The following TCAIM variants were observed in gnomAD, a reference collection of about 807,000 sequenced individuals.
TCAIM encodes T cell activation inhibitor, mitochondrial, also known as T-cell activation inhibitor, mitochondrial.
Under a neutral mutation model 58.6 loss-of-function variants are expected in TCAIM, and 36 were observed. The observed-to-expected ratio is 0.61, with a 90% CI of 0.47 to 0.81. TCAIM has a LOEUF of 0.81. Among genes scored for constraint, TCAIM ranks in the 30% least tolerant of loss-of-function variants. TCAIM has a pLI of 0.00. For synonymous variants in TCAIM, 172 were observed against 193.6 expected (o/e 0.89, Z 0.93); for missense variants, 466 against 579.6 (o/e 0.80, Z 2.01).
At chr3:44,395,582 C>CT (rs1701920741) in intron 6 of TCAIM, among the ~76,000 whole-genome samples, 1 of 152,328 alleles carries the variant, frequency 6.6e-6, no homozygotes, top group South Asian at 2.1e-4. Context: ...AGCAGGGCCT[C>CT]TGACATCGTG....
intron 5 of TCAIM, among the ~76,000 whole-genome samples, chr3:44,384,930 G>T (rs953592317): frequency 6.6e-6 from 1 of 152,178 alleles, no homozygotes; most frequent in South Asian, 2.1e-4. Context: ...TGATAAATGA[G>T]AAAATACTAA....
At chr3:44,378,200 G>T (rs1332969870) in intron 5 of TCAIM, among the ~76,000 whole-genome samples, 3 of 151,926 alleles carry the variant, frequency 2.0e-5, no homozygotes, top group Non-Finnish European at 4.4e-5. Flanking sequence ...GGCCAACATG[G>T]TGAAACCCCG....
intron 1 of TCAIM, among the ~76,000 whole-genome samples, chr3:44,343,320 A>G (rs1700894487): frequency 1.3e-5 from 2 of 152,176 alleles, no homozygotes; most frequent in Admixed American, 1.3e-4. Context: ...CCTAACCATT[A>G]TGCAAACTAC....
intron 5 of TCAIM, among the ~76,000 whole-genome samples, chr3:44,381,894 G>C (rs1030264657): frequency 3.9e-5 from 6 of 152,080 alleles, no homozygotes; most frequent in Admixed American, 1.3e-4. Context: ...CATCAGAAAA[G>C]ATAAAATGCT....
intron 10 of TCAIM, among the ~76,000 whole-genome samples, chr3:44,403,643 G>A (rs1292601332): frequency 6.6e-6 from 1 of 152,064 alleles, no homozygotes; most frequent in African/African-American, 2.4e-5. Flanking sequence ...ATTAGATTGT[G>A]AGAAAGGAAA....
chr3:44,370,227 C>T (rs554013769), intron 5 of TCAIM, among the ~76,000 whole-genome samples: 1 of 152,002 alleles, frequency 6.6e-6, no homozygotes, highest in South Asian at 2.1e-4. Flanking sequence ...CTTGGGAGGC[C>T]GAGGCAGGCG....
At chr3:44,383,176 T>C (rs1387228277) in intron 5 of TCAIM, among the ~76,000 whole-genome samples, 1 of 152,198 alleles carries the variant, frequency 6.6e-6, no homozygotes, top group East Asian at 1.9e-4. Flanking sequence ...GAAGATGATA[T>C]GGTGATTCCT....
intron 10 of TCAIM, 96 bp from the exon 11 acceptor site, chr3:44,407,346 C>T (rs1195371931): frequency 9.5e-7 from 1 of 1,057,906 alleles, no homozygotes; most frequent in African/African-American, 1.6e-5. Flanking sequence ...ACAGTTAGGG[C>T]CCCAACATGT....
chr3:44,400,328 A>C, intron 8 of TCAIM, 27 bp from the exon 9 acceptor site: 1 of 1,536,752 alleles, frequency 6.5e-7, no homozygotes, highest in South Asian at 1.2e-5. Context: ...AAAACTAATT[A>C]TTTCTTTCCC....
At position 44,407,856 on chromosome 3, in the gene TCAIM, C is replaced by A; in HGVS notation, c.*174C>A. The stretch of plus-strand genomic sequence containing the variant: ...TTTCTGCTAGGAGAGGTTTTATATG[C>A]CAGGCGTGGTGGCTCATGCCTGCGG... On this transcript the variant is annotated 3_prime_UTR_variant, in exon 11 of 11. Transcript: ENST00000342649. 1.5e-6 allele frequency: 1 copy of A among 680,162 alleles called. No homozygotes were observed. Among genetic ancestry groups the A allele is most frequent in the Non-Finnish European group, 2.2e-6 (1 of 451,822 alleles). The allele number at this position is 680,162 out of a possible 1,614,324, so 42.1% of individuals were successfully genotyped here.
At chr3:44,387,173 C>T (rs1701756840) in intron 5 of TCAIM, among the ~76,000 whole-genome samples, 1 of 152,196 alleles carries the variant, frequency 6.6e-6, no homozygotes, top group African/African-American at 2.4e-5. Context: ...AAGGAGCTAT[C>T]CACTGTGTGT....
chr3:44,345,618 T>C (rs1235267366), intron 1 of TCAIM, among the ~76,000 whole-genome samples: 5 of 152,128 alleles, frequency 3.3e-5, no homozygotes, highest in Admixed American at 3.3e-4. Flanking sequence ...TAAAGAAGGA[T>C]TAGAAACGGC....
chr3:44,399,377 A>G (rs1335605686), intron 8 of TCAIM, among the ~76,000 whole-genome samples: 4 of 152,230 alleles, frequency 2.6e-5, no homozygotes, highest in African/African-American at 9.6e-5. Flanking sequence ...TTTCCACAAG[A>G]TGTTAAAAGT....
chr3:44,369,239 C>T (rs1327134909), intron 5 of TCAIM, among the ~76,000 whole-genome samples: 2 of 152,162 alleles, frequency 1.3e-5, no homozygotes, highest in African/African-American at 2.4e-5. Context: ...ACAACTTCTG[C>T]TTACACCCGC....
rs749862334 is a variant in TCAIM, at chr3:44,361,499, G to A, written c.300G>A (p.Gln100=). ...RETDQSSSDG[Q]EPFSTSGFRA... is the part of the protein sequence containing the mutation. Reference sequence around the variant, plus strand: ...CAGACCAGAGTTCCTCCGATGGCCAGGAACCTTTTAGTACTTCCGGTACGT... The same window carrying A: ...CAGACCAGAGTTCCTCCGATGGCCAAGAACCTTTTAGTACTTCCGGTACGT... Residue 100 remains glutamine (Q), a synonymous_variant, in exon 4 of 11, where the codon CAG becomes CAA. Coordinates refer to ENST00000342649, the MANE Select transcript of TCAIM (RefSeq NM_173826.4). 9 of 1,601,748 alleles carry A rather than the reference G, an allele frequency of 5.6e-6. No homozygotes were observed. The Admixed American group carries it at 1.4e-4, about 25-fold the overall frequency.
At chr3:44,339,748 G>A (rs925235027) in intron 1 of TCAIM, 3 of 152,152 alleles carry the variant, frequency 2.0e-5, no homozygotes, top group African/African-American at 7.2e-5. Context: ...TCCAAGTGTT[G>A]CGTCTGGGAG....
chr3:44,342,842 A>T (rs915272044), intron 1 of TCAIM, among the ~76,000 whole-genome samples: 2 of 152,064 alleles, frequency 1.3e-5, no homozygotes, highest in African/African-American at 4.8e-5. Context: ...TTCACATTAA[A>T]TAAACATTTT....
At chr3:44,402,249 GA>G (rs767810885) in intron 10 of TCAIM, among the ~76,000 whole-genome samples, 307 of 139,676 alleles carry the variant, frequency 2.2e-3, no homozygotes, top group Middle Eastern at 0.011. Flanking sequence ...ATATGGTGGG[GA>G]AAAAAAAAAA....
At chr3:44,406,601 G>T (rs538300807) in intron 10 of TCAIM, among the ~76,000 whole-genome samples, 1 of 152,302 alleles carries the variant, frequency 6.6e-6, no homozygotes, top group Admixed American at 6.5e-5. Flanking sequence ...CTAGTTTATG[G>T]AAATTTTATA....
Sources: gnomAD v4.1 joint callset for allele counts (sites outside exome capture counted in the v4.1 genomes callset) on GRCh38, gnomAD v4.1.1 for gene constraint, MANE v1.5 for transcripts, NCBI Gene and HGNC (gene_info 2026-07-23, HGNC 2026-07-21) for gene names.